The following PDXDC1 variants were observed in gnomAD, a reference collection of about 807,000 sequenced individuals.
PDXDC1 encodes pyridoxal-dependent decarboxylase domain-containing protein 1.
Under a neutral mutation model 100.1 loss-of-function variants are expected in PDXDC1, and 42 were observed. That is an observed-to-expected ratio of 0.42 (90% CI 0.33 to 0.54). The LOEUF is 0.54. Among genes scored for constraint, PDXDC1 ranks in the 20% least tolerant of loss-of-function variants. PDXDC1 has a pLI of 0.10. For synonymous variants in PDXDC1, 260 were observed against 371.7 expected, an observed-to-expected ratio of 0.70 and a Z score of 3.46; for missense variants, 636 against 979.2, an observed-to-expected ratio of 0.65 and a Z score of 4.68.
chr16:15,131,437 G>A lies in PDXDC1; in HGVS notation c.1400-7442G>A, dbSNP rs1337734423. On this transcript the variant is annotated intron_variant, in intron 16 of 16. Transcript: ENST00000535621. ...GAGGTTAGCCGGGGCCCTGCTGAAA[G>A]CCTAGGGGATGGAGAAGTGGCAGCC... 16 of 1,608,218 alleles carry A rather than the reference G, an allele frequency of 9.9e-6. No homozygotes were observed. The Middle Eastern group carries it at 1.6e-3, about 159-fold the overall frequency.
intron 1 of PDXDC1, among the ~76,000 whole-genome samples, chr16:14,979,852 A>T (rs1381092005): frequency 2.0e-5 from 3 of 152,284 alleles, no homozygotes; most frequent in African/African-American, 7.2e-5. Flanking sequence ...CTCCTTCCTT[A>T]AAAAGCATGA....
chr16:14,980,755 G>A (rs1233237681), intron 1 of PDXDC1, among the ~76,000 whole-genome samples: 10 of 152,374 alleles, frequency 6.6e-5, no homozygotes, highest in African/African-American at 1.4e-4. Flanking sequence ...ATGAGCCACC[G>A]CGCCTGGCCA....
At chr16:15,071,419 A>G (rs1400712833) in intron 16 of PDXDC1, among the ~76,000 whole-genome samples, 1 of 152,228 alleles carries the variant, frequency 6.6e-6, no homozygotes, top group Non-Finnish European at 1.5e-5. Context: ...ATTAAAAACA[A>G]AAGGCACCTC....
rs201161125 is a variant in PDXDC1, at chr16:15,135,700, A to G, written c.1400-3179A>G. The G allele has an allele frequency of 2.9e-4, 465 of 1,596,134 alleles. 2 individuals carry two copies. Among genetic ancestry groups the G allele is most frequent in the East Asian group, 3.4e-4 (15 of 44,634 alleles). ...GGAAACTGAGCGGCGTCTGGTCGCC[A>G]TCCTCCAGGTTGGGGTCGTAGGACT... On this transcript the variant is annotated intron_variant, in intron 16 of 16. Transcript: ENST00000535621.
chr16:14,981,608 C>T (rs1334266056), intron 1 of PDXDC1, among the ~76,000 whole-genome samples: 3 of 152,272 alleles, frequency 2.0e-5, no homozygotes, highest in African/African-American at 7.2e-5. Context: ...AGTGTTTACT[C>T]GTGTTATAAG....
chr16:15,083,355 C>A (rs902207018), intron 16 of PDXDC1, among the ~76,000 whole-genome samples: 7 of 151,930 alleles, frequency 4.6e-5, no homozygotes, highest in African/African-American at 1.7e-4. Context: ...GCCAAGATGA[C>A]GCCATTGCAC....
chr16:15,130,543 C>G lies in PDXDC1; in HGVS notation c.1400-8336C>G, dbSNP rs1010495939. 2.5e-5 allele frequency: 34 copies of G among 1,336,058 alleles called. No individual in the cohort carries two copies. In the East Asian group the frequency reaches 3.7e-4, roughly 15 times the overall value. The allele number at this position is 1,336,058 out of a possible 1,614,324, so 82.8% of individuals were successfully genotyped here. On this transcript the variant is annotated intron_variant, in intron 16 of 16. Transcript: ENST00000535621. ...GAGCCCATACCCGGTCCAGTCCCCT[C>G]GCTGCCTGCCGTCCCCACAGGGCCT...
chr16:15,127,879 CG>C (rs2047829870), intron 16 of PDXDC1: 1 of 1,552,992 alleles, frequency 6.4e-7, no homozygotes, highest in Non-Finnish European at 8.7e-7. Context: ...GCGCCGGAAG[CG>C]CAACAGGGCT....
the PDXDC1 span, among the ~76,000 whole-genome samples, chr16:15,147,280 T>C: frequency 6.6e-6 from 1 of 152,184 alleles, no homozygotes; most frequent in African/African-American, 2.4e-5. Context: ...CTGCCACCTC[T>C]GTCTGTCTAT....
Position 15,131,634 on chromosome 16 carries a change from C to T in PDXDC1, c.1400-7245C>T, listed in dbSNP as rs530979712. 1.0e-4 allele frequency: 165 copies of T among 1,587,148 alleles called. 2 individuals are homozygous for T. In the East Asian group the frequency reaches 3.3e-3, roughly 32 times the overall value. ...TGTAGGCCTGGGACGCCACCATCCG[C>T]GATGGTGACTCGGCTCCCAGCTCTG... On this transcript the variant is annotated intron_variant, in intron 16 of 16. Transcript: ENST00000535621.
rs1222379283 is a variant in PDXDC1, at chr16:15,037,666, A to G, written c.*1391A>G. On this transcript the variant is annotated 3_prime_UTR_variant, in exon 23 of 23. Transcript: ENST00000396410. ...AGATATTATTTGAATGTTGGTTTCA[A>G]TAAAGGTTCTTGAAATTGTTACCAG... is the stretch of plus-strand genomic sequence containing the variant. 1.2e-5 allele frequency: 2 copies of G among 171,410 alleles called. No individual in the cohort carries two copies. Among genetic ancestry groups the G allele is most frequent in the Non-Finnish European group, 2.5e-5 (2 of 81,468 alleles). The allele number at this position is 171,410 out of a possible 1,614,324, so 10.6% of individuals were successfully genotyped here. A position where few individuals can be genotyped will look rare whatever the true frequency, so the allele number is the denominator to read the frequency against.
At chr16:15,109,500 T>C (rs1193144340) in intron 16 of PDXDC1, among the ~76,000 whole-genome samples, 22 of 147,966 alleles carry the variant, frequency 1.5e-4, no homozygotes, top group South Asian at 6.5e-4. Context: ...CTACTAAAAA[T>C]ACAAAAATTA....
intron 16 of PDXDC1, among the ~76,000 whole-genome samples, chr16:15,132,338 G>GGGGA (rs2048129921): frequency 8.7e-5 from 2 of 22,958 alleles, no homozygotes; most frequent in Admixed American, 9.5e-4. Flanking sequence ...AGGGGAGGGG[G>GGGGA]CAGGGGCTAG....
At chr16:14,984,114 G>A (rs1389960905) in intron 1 of PDXDC1, among the ~76,000 whole-genome samples, 2 of 152,160 alleles carry the variant, frequency 1.3e-5, no homozygotes, top group African/African-American at 2.4e-5. Context: ...AGGGAGCCAC[G>A]ATAGTGCCGC....
At chr16:15,042,718 C>CTATCTATT (rs139592465), downstream of PDXDC1, among the ~76,000 whole-genome samples, 1 of 147,004 alleles carries the variant, frequency 6.8e-6, no homozygotes, top group Non-Finnish European at 1.5e-5. Context: ...AAAGGATGAA[C>CTATCTATT]TATTTATTTA....
At position 15,130,504 on chromosome 16, in the gene PDXDC1, A is replaced by G. The variant is rs1348353509; in HGVS notation, c.1400-8375A>G. The G allele has an allele frequency of 5.9e-6, 8 of 1,355,312 alleles. No individual in the cohort carries two copies. In the Admixed American group the frequency reaches 8.4e-5, roughly 14 times the overall value. The allele number at this position is 1,355,312 out of a possible 1,614,324, so 84.0% of individuals were successfully genotyped here. On this transcript the variant is annotated intron_variant, in intron 16 of 16. Coordinates refer to the PDXDC1 transcript ENST00000535621. The stretch of plus-strand genomic sequence containing the variant: ...GTGAGCCCAGGCTCCGCCAGGTTGG[A>G]TATCGGAGTCCCAGAGCCCATACCC...
intron 14 of PDXDC1, among the ~76,000 whole-genome samples, chr16:15,027,327 G>A (rs1245626744): frequency 6.6e-6 from 1 of 152,280 alleles, no homozygotes; most frequent in African/African-American, 2.4e-5. Flanking sequence ...AGGCTGTGGG[G>A]CTCCGACCCC....
At position 15,030,062 on chromosome 16, in the gene PDXDC1, C is replaced by A. The variant is rs1265757510; in HGVS notation, c.1399+6C>A. 3.2e-6 allele frequency: 5 copies of A among 1,552,336 alleles called. No homozygotes were observed. Among genetic ancestry groups the A allele is most frequent in the Admixed American group, 3.9e-5 (2 of 51,032 alleles). Reference sequence around the variant, plus strand: ...CCCTTTGATGACCGCAGCAGGTAAACCAGGCTTGGTGGACATCCCTTGCTT... The same window carrying A: ...CCCTTTGATGACCGCAGCAGGTAAAACAGGCTTGGTGGACATCCCTTGCTT... On this transcript the variant is annotated splice_donor_region_variant and intron_variant, in intron 16 of 22. Coordinates refer to ENST00000396410, the MANE Select transcript of PDXDC1 (RefSeq NM_015027.4).
At chr16:14,978,034 C>G (rs1967087142) in intron 1 of PDXDC1, among the ~76,000 whole-genome samples, 1 of 151,750 alleles carries the variant, frequency 6.6e-6, no homozygotes, top group Non-Finnish European at 1.5e-5. Context: ...ATAGTTCTGT[C>G]CCTTGCTTTT....
Sources: allele counts gnomAD v4.1 joint callset (sites outside exome capture counted in the v4.1 genomes callset), GRCh38; gene constraint gnomAD v4.1.1; transcripts MANE v1.5; gene names NCBI Gene and HGNC (gene_info 2026-07-23, HGNC 2026-07-21).